The following ABCA7 variants were observed in gnomAD, a reference collection of about 807,000 sequenced individuals.
ABCA7 encodes the protein ATP binding cassette subfamily A member 7.
A neutral mutation model predicts 227.6 loss-of-function variants in ABCA7; 261 were observed. The observed-to-expected ratio is 1.15, with a 90% CI of 1.04 to 1.27. ABCA7 has a LOEUF of 1.27. Among genes scored for constraint, ABCA7 ranks in the 50% most tolerant of loss-of-function variants. The pLI is 0.00. For missense variants in ABCA7, 3,331 were observed against 2,924.5 expected (o/e 1.14, Z -3.21); for synonymous variants, 1,488 against 1,279.7 (o/e 1.16, Z -3.47).
Position 1,047,645 on chromosome 19 carries a change from G to C in ABCA7, c.2260G>C (p.Val754Leu), listed in dbSNP as rs1226473915. 2.0e-5 allele frequency: 32 copies of C among 1,594,818 alleles called. No homozygotes were observed. Among genetic ancestry groups the C allele is most frequent in the Non-Finnish European group, 2.6e-5 (31 of 1,175,566 alleles). Residue 754 changes from valine to leucine, a missense_variant, in exon 16 of 47, where the codon GTG becomes CTG. By Grantham distance (32) the Val-to-Leu change is conservative. Coordinates refer to ENST00000263094, the MANE Select transcript of ABCA7 (RefSeq NM_019112.4). ...CCTCGCCACCTGGTACCTGGAAGCT[G>C]TGTGCCCAGGTGGGCCGTAGGGGGC... ...YGLATWYLEA[V>L]CPGQYGIPEP...
At chr19:1,050,006 C>G (rs536182997) in intron 18 of ABCA7, among the ~76,000 whole-genome samples, 18 of 135,460 alleles carry the variant, frequency 1.3e-4, no homozygotes, top group South Asian at 4.9e-4. Flanking sequence ...CCTGTGAGCC[C>G]CCCACCACTT....
At position 1,054,118 on chromosome 19, in the gene ABCA7, C is replaced by G; in HGVS notation, c.3577+8C>G. On this transcript the variant is annotated splice_region_variant and intron_variant, in intron 26 of 46. Transcript: ENST00000263094. This position sits in a 1 kb window ranked among gnomAD's most constrained non-coding sequence, Gnocchi z 4.8. ...TGGAGAACGGGGAACCAGGTAAGTC[C>G]TTCCCAGTGGCCCTGGGGTCCTCCC... The G allele has an allele frequency of 6.2e-7, 1 of 1,613,120 alleles. No homozygotes were observed. Among genetic ancestry groups the G allele is most frequent in the East Asian group, 2.2e-5 (1 of 44,874 alleles).
Position 1,046,308 on chromosome 19 carries a change from C to G in ABCA7, c.1524C>G (p.Asp508Glu). ...GGGGCGGCTTCGTGTACCTGCAAGA[C>G]CTGGTGGAGCGTGCAGCCGTCCGCG... ...YVWGGFVYLQ[D>E]LVERAAVRVL... The change falls in exon 13 of 47, where the codon GAC becomes GAG. Residue 508 changes from aspartate to glutamate, a missense_variant. Physicochemically the swap from Asp to Glu is conservative, Grantham distance 45. Coordinates refer to ENST00000263094, the MANE Select transcript of ABCA7 (RefSeq NM_019112.4). 6.2e-7 allele frequency: 1 copy of G among 1,605,266 alleles called. No individual in the cohort carries two copies. The highest frequency in any genetic ancestry group is 1.3e-5 in the African/African-American group (1 of 75,050).
rs761060455 is a variant in ABCA7, at chr19:1,056,482, GCTGT to G, written c.4573_4576del (p.Ser1525ArgfsTer4). The G allele has an allele frequency of 6.2e-7, 1 of 1,613,128 alleles. No individual in the cohort carries two copies. Among genetic ancestry groups the G allele is most frequent in the Non-Finnish European group, 8.5e-7 (1 of 1,179,850 alleles). ...ACCCCTTGAACCTCACCAAGGAGCAGCTGTCTGAGGGTGCACTGTGAGTCCCTCC... is the reference window on the plus strand; with the variant it reads ...ACCCCTTGAACCTCACCAAGGAGCAGCTGAGGGTGCACTGTGAGTCCCTCC... On this transcript the variant is annotated frameshift_variant, in exon 33 of 47. Transcript: ENST00000263094. LOFTEE classifies it high-confidence loss of function. The surrounding 1 kb of genome is among the most constrained non-coding windows in gnomAD (Gnocchi z 4.3).
chr19:1,064,228 G>C lies in ABCA7; in HGVS notation c.6019G>C (p.Gly2007Arg). The C allele has an allele frequency of 6.4e-7, 1 of 1,568,180 alleles. No homozygotes were observed. The highest frequency in any genetic ancestry group is 1.2e-5 in the South Asian group (1 of 85,462). Residue 2007 changes from glycine (G) to arginine (R), a missense_variant, in exon 45 of 47, where the codon GGC (glycine) becomes CGC (arginine). By Grantham distance (125) the Gly-to-Arg change is moderately radical (BLOSUM62 -2). Transcript: ENST00000263094. ...IMVNGRFRCL[G>R]SPQHLKGRFA... ...GGTGAATGGGCGGTTCCGCTGCCTG[G>C]GCAGCCCGCAACATCTCAAGGGCAG... is the stretch of plus-strand genomic sequence containing the variant.
At chr19:1,061,066 G>T (rs2042619452) in intron 40 of ABCA7, among the ~76,000 whole-genome samples, 1 of 152,008 alleles carries the variant, frequency 6.6e-6, no homozygotes, top group Non-Finnish European at 1.5e-5. Flanking sequence ...CTCCCCCGGG[G>T]CCCCACCCAC....
chr19:1,061,390 C>CAAAA (rs978850571), intron 40 of ABCA7, among the ~76,000 whole-genome samples: 33 of 36,894 alleles, frequency 8.9e-4, no homozygotes, highest in African/African-American at 3.8e-3. Context: ...GGCTCCGTCT[C>CAAAA]AAAAAAAAAA....
intron 14 of ABCA7, 63 bp from the exon 15 acceptor site, chr19:1,047,094 C>T: frequency 6.4e-7 from 1 of 1,555,980 alleles, no homozygotes; most frequent in Admixed American, 1.9e-5. Flanking sequence ...GGCGGCCCCA[C>T]GTGGGTGCGC....
rs773704030 is a variant in ABCA7, at chr19:1,055,071, GAGTGTGCACAGCCC to G, written c.3951-24_3951-11del. The G allele has an allele frequency of 1.3e-6, 2 of 1,596,514 alleles. No individual in the cohort carries two copies. The highest frequency in any genetic ancestry group is 3.4e-5 in the Admixed American group (2 of 59,024). Reference sequence around the variant, plus strand: ...TTCACCTTGACCCTGCAGCGCCCTTGAGTGTGCACAGCCCATTGTCTGCAGGTTCTCGGCACCAG... The same window carrying G: ...TTCACCTTGACCCTGCAGCGCCCTTGATTGTCTGCAGGTTCTCGGCACCAG... On this transcript the variant is annotated splice_polypyrimidine_tract_variant and intron_variant, in intron 29 of 46. Coordinates refer to ENST00000263094, the MANE Select transcript of ABCA7 (RefSeq NM_019112.4).
Position 1,065,494 on chromosome 19 carries a change from C to A in ABCA7, c.*69C>A. On this transcript the variant is annotated 3_prime_UTR_variant, in exon 47 of 47. Coordinates refer to ENST00000263094, the MANE Select transcript of ABCA7 (RefSeq NM_019112.4). ...AAGGGCAAGGTAGAGTGCCTAGGAG[C>A]CCTGGACTCAGGCTGGCAGAGGGGC... 1.9e-6 allele frequency: 3 copies of A among 1,552,272 alleles called. No homozygotes were observed. The highest frequency in any genetic ancestry group is 2.3e-5 in the East Asian group (1 of 44,252).
Position 1,062,122 on chromosome 19 carries a change from A to G in ABCA7, c.5571-50A>G, listed in dbSNP as rs781669756. The G allele has an allele frequency of 3.8e-6, 6 of 1,595,138 alleles. No homozygotes were observed. The Admixed American group carries it at 1.0e-4, about 27-fold the overall frequency. On this transcript the variant is annotated intron_variant, in intron 41 of 46. Coordinates refer to ENST00000263094, the MANE Select transcript of ABCA7 (RefSeq NM_019112.4). Reference sequence around the variant, plus strand: ...TGAGACCCCTGTGTTAGCCACCAGTATGGTCAGGGACTAGCCAGCTCTCTG... The same window carrying G: ...TGAGACCCCTGTGTTAGCCACCAGTGTGGTCAGGGACTAGCCAGCTCTCTG...
Position 1,062,223 on chromosome 19 carries a change from A to G in ABCA7, c.5622A>G (p.Gln1874=). 8 of 1,612,298 alleles carry G rather than the reference A, an allele frequency of 5.0e-6. No homozygotes were observed. Among genetic ancestry groups the G allele is most frequent in the Non-Finnish European group, 6.8e-6 (8 of 1,179,774 alleles). Residue 1874 remains glutamine, a synonymous_variant, in exon 42 of 47, where the codon CAA becomes CAG. Coordinates refer to ENST00000263094, the MANE Select transcript of ABCA7 (RefSeq NM_019112.4). ...AAHLSMGYCP[Q]SDAIFELLTG... is the part of the protein sequence containing the mutation. ...ACCTCAGCATGGGATACTGCCCTCA[A>G]TCCGATGCCATCTTTGAGCTGCTGA...
intron 13 of ABCA7, 113 bp downstream of exon 13, chr19:1,046,519 C>A: frequency 7.2e-7 from 1 of 1,398,506 alleles, no homozygotes; most frequent in Non-Finnish European, 9.6e-7. Flanking sequence ...GAACTTTGCA[C>A]CTTTACACCA....
intron 41 of ABCA7, 22 bp from the exon 42 acceptor site, chr19:1,062,149 GC>G (rs1290809524): frequency 1.2e-6 from 2 of 1,609,414 alleles, no homozygotes. Context: ...AGCTCTCTGA[GC>G]CCCCGGCGCC....
At chr19:1,048,862 G>C (rs1156663907) in intron 16 of ABCA7, 33 bp from the exon 17 acceptor site, 7 of 1,334,262 alleles carry the variant, frequency 5.2e-6, no homozygotes, top group Non-Finnish European at 7.3e-6. Context: ...CCTGGGGGGT[G>C]GGCTAAGCAA....
At position 1,053,384 on chromosome 19, in the gene ABCA7, G is replaced by A; in HGVS notation, c.3276G>A (p.Val1092=). The A allele has an allele frequency of 6.2e-7, 1 of 1,608,184 alleles. No homozygotes were observed. The highest frequency in any genetic ancestry group is 8.5e-7 in the Non-Finnish European group (1 of 1,179,054). ...ACTGGGTGCCCGGGGCACGGCTGGT[G>A]GAGGAGCTGCCACACGAGCTGGTGC... The part of the protein sequence containing the change: ...VQHWVPGARL[V]EELPHELVLV... The change falls in exon 24 of 47, where the codon GTG becomes GTA. Residue 1092 remains valine (V), a synonymous_variant. Transcript: ENST00000263094.
Position 1,047,355 on chromosome 19 carries a change from C to T in ABCA7, c.2044C>T (p.Pro682Ser), listed in dbSNP as rs1393008957. The T allele has an allele frequency of 1.3e-6, 2 of 1,575,624 alleles. No individual in the cohort carries two copies. The highest frequency in any genetic ancestry group is 1.7e-6 in the Non-Finnish European group (2 of 1,166,626). The change falls in exon 15 of 47, where the codon CCC (proline) becomes TCC (serine). Residue 682 changes from proline (P) to serine (S), a missense_variant. Transcript: ENST00000263094. Reference sequence around the variant, plus strand: ...GTGTGTGGCTTGGCGGGACCGGCTGCCCGCGGGTGGCCGCGTGGCCGCGGT... The same window carrying T: ...GTGTGTGGCTTGGCGGGACCGGCTGTCCGCGGGTGGCCGCGTGGCCGCGGT... The part of the protein sequence containing the change: ...VLCVAWRDRL[P>S]AGGRVAASLL...
rs1421174806 is a variant in ABCA7, at chr19:1,047,638, G to A, written c.2253G>A (p.Leu751=). The part of the protein sequence containing the change: ...AALYGLATWY[L]EAVCPGQYGI... ...TCTACGGCCTCGCCACCTGGTACCT[G>A]GAAGCTGTGTGCCCAGGTGGGCCGT... The change falls in exon 16 of 47, where the codon CTG becomes CTA. Residue 751 remains leucine (L), a synonymous_variant. Transcript: ENST00000263094. The A allele has an allele frequency of 1.9e-6, 3 of 1,597,494 alleles. No homozygotes were observed. In the African/African-American group the frequency reaches 4.0e-5, roughly 21 times the overall value.
intron 24 of ABCA7, 42 bp downstream of exon 24, chr19:1,053,573 G>T: frequency 6.5e-7 from 1 of 1,542,478 alleles, no homozygotes; most frequent in South Asian, 1.2e-5. Context: ...CAGGAGGAGG[G>T]CTTCCTGGAG....
Sources: gnomAD v4.1 joint callset for allele counts (sites outside exome capture counted in the v4.1 genomes callset) on GRCh38, gnomAD v4.1.1 for gene constraint, Gnocchi (gnomAD v3.1) non-coding constraint, MANE v1.5 for transcripts, NCBI Gene and HGNC (gene_info 2026-07-23, HGNC 2026-07-21) for gene names.